The following BST1 variants were observed in gnomAD, a reference collection of about 807,000 sequenced individuals.
The protein encoded by BST1 is bone marrow stromal cell antigen 1.
Under a neutral mutation model 40.6 loss-of-function variants are expected in BST1, and 49 were observed. That is an observed-to-expected ratio of 1.21 (90% CI 0.96 to 1.53). The LOEUF is 1.53. Ranked by LOEUF, BST1 falls within the 40% of genes most tolerant of loss-of-function variation. The pLI, the probability that BST1 is intolerant of heterozygous loss-of-function variation, is 0.00. For missense variants in BST1, 423 were observed against 395.9 expected (o/e 1.07, Z -0.58); for synonymous variants, 157 against 159.3 (o/e 0.99, Z 0.11).
At chr4:15,750,107 C>G in the BST1 span, among the ~76,000 whole-genome samples, 1 of 152,016 alleles carries the variant, frequency 6.6e-6, no homozygotes, top group African/African-American at 2.4e-5. Flanking sequence ...GCTGCCCAAC[C>G]TCCGCCACCC....
At chr4:15,713,630 G>T (rs530375859) in intron 4 of BST1, among the ~76,000 whole-genome samples, 1 of 152,230 alleles carries the variant, frequency 6.6e-6, no homozygotes, top group African/African-American at 2.4e-5. Flanking sequence ...TTGAAACCAG[G>T]CAGGCTGGCT....
At chr4:15,728,288 AC>A (rs753945278) in intron 8 of BST1, among the ~76,000 whole-genome samples, 5 of 151,996 alleles carry the variant, frequency 3.3e-5, no homozygotes, top group Non-Finnish European at 7.4e-5. Context: ...ATGTAAATCC[AC>A]CCATTTTATT....
intron 4 of BST1, among the ~76,000 whole-genome samples, chr4:15,712,394 T>A (rs1321882340): frequency 6.6e-6 from 1 of 152,092 alleles, no homozygotes; most frequent in East Asian, 1.9e-4. Flanking sequence ...GTCACCAGAG[T>A]TGATGACAGC....
At chr4:15,771,658 C>T in the BST1 span, among the ~76,000 whole-genome samples, 1 of 152,276 alleles carries the variant, frequency 6.6e-6, no homozygotes, top group South Asian at 2.1e-4. Flanking sequence ...TCTCAGCTAC[C>T]GTCAGTGAGA....
At position 15,718,940 on chromosome 4, in the gene BST1, G is replaced by A; in HGVS notation, c.738G>A (p.Leu246=). 1 of 1,614,050 alleles carries A rather than the reference G, an allele frequency of 6.2e-7. No homozygotes were observed. The highest frequency in any genetic ancestry group is 8.5e-7 in the Non-Finnish European group (1 of 1,179,944). The part of the protein sequence containing the change: ...ESCGEGSMKV[L]EKRLKDMGFQ... ...GCGGGGAAGGCAGCATGAAAGTCCT[G>A]GAAAAGAGGCTGAAGGACATGGGGT... is the stretch of plus-strand genomic sequence containing the variant. The change falls in exon 7 of 9, where the codon CTG becomes CTA. Residue 246 remains leucine, a synonymous_variant. Transcript: ENST00000265016.
At chr4:15,736,747 G>A (rs6835705), downstream of BST1, among the ~76,000 whole-genome samples, 16,285 of 152,100 alleles carry the variant, frequency 0.11, 1,652 homozygotes, top group East Asian at 0.52. Flanking sequence ...TAAGCCTTTG[G>A]ATCTGGTACC....
At chr4:15,716,001 A>G (rs1720495966) in intron 6 of BST1, among the ~76,000 whole-genome samples, 1 of 152,206 alleles carries the variant, frequency 6.6e-6, no homozygotes, top group African/African-American at 2.4e-5. Flanking sequence ...AGCCTCCTTT[A>G]TCTGGGATAT....
rs1329089609 is a variant in BST1 at position 15,728,938 on chromosome 4, G to T, written c.852-2802G>T. Among the ~76,000 whole-genome samples, 3 of 152,070 alleles carry T rather than the reference G, an allele frequency of 2.0e-5. No homozygotes were observed. In the East Asian group the frequency reaches 5.8e-4, roughly 29 times the overall value. On this transcript the variant is annotated intron_variant, in intron 8 of 8. Coordinates refer to ENST00000265016, the MANE Select transcript of BST1 (RefSeq NM_004334.3). The stretch of plus-strand genomic sequence containing the variant: ...TGGGATTATAGGTGTGAACCACCAT[G>T]CTCAGCCAAGTAACTGATTTTAGGC...
downstream of BST1, among the ~76,000 whole-genome samples, chr4:15,736,726 T>C (rs949246149): frequency 3.9e-5 from 6 of 152,196 alleles, no homozygotes; most frequent in Admixed American, 3.9e-4. Flanking sequence ...CTCAGTTCCG[T>C]ATTCTCAACA....
chr4:15,712,128 A>G (rs1019263824), intron 4 of BST1, among the ~76,000 whole-genome samples: 2 of 152,128 alleles, frequency 1.3e-5, no homozygotes, highest in Non-Finnish European at 2.9e-5. Flanking sequence ...GCTATACATG[A>G]GGGTTTTAAT....
rs1257570878 is a variant in BST1 at position 15,715,306 on chromosome 4, G to T, written c.556G>T (p.Val186Leu). 1.2e-6 allele frequency: 2 copies of T among 1,614,108 alleles called. No individual in the cohort carries two copies. Among genetic ancestry groups the T allele is most frequent in the Non-Finnish European group, 1.7e-6 (2 of 1,179,982 alleles). ...SIQYSKDSSG[V>L]IHVMLNGSEP... is the part of the protein sequence containing the mutation. ...GTAGTATTCCAAGGATAGTTCTGGG[G>T]TGATCCACGTCATGCTGAATGGTTC... is the stretch of plus-strand genomic sequence containing the variant. The change falls in exon 5 of 9, where the codon GTG (valine) becomes TTG (leucine). Residue 186 changes from valine to leucine, a missense_variant. Val to Leu is a conservative substitution (Grantham distance 32). Transcript: ENST00000265016.
At chr4:15,739,761 G>T (rs1255810528), downstream of BST1, among the ~76,000 whole-genome samples, 2 of 152,062 alleles carry the variant, frequency 1.3e-5, no homozygotes, top group African/African-American at 2.4e-5. Flanking sequence ...CATTAAACTC[G>T]ATTAAATTTT....
At chr4:15,757,830 C>T in the BST1 span, among the ~76,000 whole-genome samples, 2 of 151,994 alleles carry the variant, frequency 1.3e-5, no homozygotes, top group African/African-American at 2.4e-5. Context: ...TTAGTAGAGA[C>T]AGGGTTTCTC....
the BST1 span, among the ~76,000 whole-genome samples, chr4:15,754,849 C>A: frequency 6.6e-6 from 1 of 152,170 alleles, no homozygotes; most frequent in Non-Finnish European, 1.5e-5. Flanking sequence ...TTCGGATGAC[C>A]ACTTGTTTAA....
At chr4:15,752,991 TTAAATATAAATCAC>T in the BST1 span, among the ~76,000 whole-genome samples, 293 of 150,210 alleles carry the variant, frequency 2.0e-3, 4 homozygotes, top group African/African-American at 6.9e-3. Context: ...TAAGAAATAT[TTAAATATAAATCAC>T]TAAGAAATAT....
Position 15,705,548 on chromosome 4 carries a change from T to C in BST1, c.222T>C (p.Phe74=). ...ACTGCACAGCCATCTGGGAAGCCTT[T>C]AAAGTGGCGCTGGACAAGGATCCCT... The part of the protein sequence containing the change: ...NKNCTAIWEA[F]KVALDKDPCS... The change falls in exon 2 of 9, where the codon TTT becomes TTC. Residue 74 remains phenylalanine, a synonymous_variant. Transcript: ENST00000265016. 6.2e-7 allele frequency: 1 copy of C among 1,604,826 alleles called. No individual in the cohort carries two copies. The highest frequency in any genetic ancestry group is 8.5e-7 in the Non-Finnish European group (1 of 1,176,072).
chr4:15,720,595 G>C (rs1720754830), intron 7 of BST1, among the ~76,000 whole-genome samples: 1 of 137,464 alleles, frequency 7.3e-6, no homozygotes, highest in Non-Finnish European at 1.6e-5. Context: ...GCAAGACTCT[G>C]TCTCAAAAAA....
intron 8 of BST1, among the ~76,000 whole-genome samples, chr4:15,727,565 G>T (rs1165577256): frequency 6.6e-6 from 1 of 152,100 alleles, no homozygotes; most frequent in African/African-American, 2.4e-5. Flanking sequence ...ATTCAACAAG[G>T]TGTCATTTTC....
At chr4:15,711,726 A>G in intron 3 of BST1, 81 bp from the exon 4 acceptor site, 4 of 1,112,326 alleles carry the variant, frequency 3.6e-6, no homozygotes, top group Non-Finnish European at 5.5e-6. Flanking sequence ...TACATCATGG[A>G]ACTGGGATAT....
Sources: allele counts gnomAD v4.1 joint callset (sites outside exome capture counted in the v4.1 genomes callset), GRCh38; gene constraint gnomAD v4.1.1; transcripts MANE v1.5; gene names NCBI Gene and HGNC (gene_info 2026-07-23, HGNC 2026-07-21).